Variants in DHX15 observed in about 807,000 individuals in gnomAD.
DHX15 encodes the protein DEAH-box helicase 15, also known as ATP-dependent RNA helicase DHX15.
In DHX15, 11 loss-of-function variants were observed where a neutral mutation model predicts 94.4. That is an observed-to-expected ratio of 0.12 (90% CI 0.07 to 0.19). The LOEUF is 0.19. Ranked by LOEUF, DHX15 falls within the 10% of genes least tolerant of loss-of-function variation. The pLI is 1.00. For missense variants in DHX15, 304 were observed against 988.5 expected (o/e 0.31, Z 9.29); for synonymous variants, 338 against 329.9 (o/e 1.02, Z -0.27).
chr4:24,578,939 G>C (rs76266184), intron 1 of DHX15, among the ~76,000 whole-genome samples: 102 of 152,288 alleles, frequency 6.7e-4, no homozygotes, highest in Non-Finnish European at 1.3e-3. Flanking sequence ...TTTGGGGGAA[G>C]AGAGGTGACA....
chr4:24,574,228 A>AAAAAAAAAAAAAAAAAG (rs1722191854), intron 2 of DHX15, among the ~76,000 whole-genome samples: 1 of 144,490 alleles, frequency 6.9e-6, no homozygotes, highest in Non-Finnish European at 1.5e-5. Flanking sequence ...AAAAAAAAAA[A>AAAAAAAAAAAAAAAAAG]GTTAAAGTCA....
chr4:24,541,109 A>G (rs1378437849), intron 8 of DHX15, among the ~76,000 whole-genome samples, 161 bp from the exon 9 acceptor site: 1 of 152,074 alleles, frequency 6.6e-6, no homozygotes, highest in African/African-American at 2.4e-5. Context: ...GAGAGAAACC[A>G]TTTTTCTCCA....
At chr4:24,583,947 C>G (rs1356398325) in intron 1 of DHX15, among the ~76,000 whole-genome samples, 1 of 152,256 alleles carries the variant, frequency 6.6e-6, no homozygotes, top group Admixed American at 6.5e-5. Flanking sequence ...CCACCGCGCC[C>G]TCCCCCACCC....
At chr4:24,548,641 T>C (rs1038190775) in intron 6 of DHX15, among the ~76,000 whole-genome samples, 5 of 152,330 alleles carry the variant, frequency 3.3e-5, no homozygotes, top group African/African-American at 7.2e-5. Flanking sequence ...TCCTAACTAA[T>C]CTTCCATTTG....
intron 2 of DHX15, among the ~76,000 whole-genome samples, chr4:24,575,754 A>C (rs369555537): frequency 1.3e-5 from 2 of 152,354 alleles, no homozygotes. Flanking sequence ...TGTTTAAAAA[A>C]TATCCTAGCT....
intron 4 of DHX15, among the ~76,000 whole-genome samples, chr4:24,555,616 T>TTCTA (rs1383463924): frequency 1.3e-5 from 2 of 152,128 alleles, no homozygotes; most frequent in Non-Finnish European, 2.9e-5. Flanking sequence ...CTATGAACCC[T>TTCTA]TCTATAACAC....
At position 24,537,796 on chromosome 4, in the gene DHX15, A is replaced by C. The variant is rs1721226277; in HGVS notation, c.1787-623T>G. 6.6e-6 allele frequency: 1 copy of C among 152,164 alleles called. No homozygotes were observed. The highest frequency in any genetic ancestry group is 2.1e-4 in the South Asian group (1 of 4,824). 9.4% of individuals were successfully genotyped at this position (152,164 alleles called of 1,614,324 possible). A position where few individuals can be genotyped will look rare whatever the true frequency, so the allele number is the denominator to read the frequency against. ...GATAGCAGTAGTGGTGGAAGGTTAA[A>C]CCGCCTTTGAATTAAGAAAATTCAA... On this transcript the variant is annotated intron_variant, in intron 10 of 13. Coordinates refer to ENST00000336812, the MANE Select transcript of DHX15 (RefSeq NM_001358.3). The surrounding 1 kb of genome is among the most constrained non-coding windows in gnomAD (Gnocchi z 4.7).
At chr4:24,529,538 C>T in intron 13 of DHX15, 63 bp downstream of exon 13, 1 of 1,417,586 alleles carries the variant, frequency 7.1e-7, no homozygotes, top group South Asian at 1.2e-5. Flanking sequence ...ACTCTAGCAA[C>T]AGTCAGGTTC....
At position 24,530,055 on chromosome 4, in the gene DHX15, A is replaced by G. The variant is rs918071956; in HGVS notation, c.2101-285T>C. 1.1e-5 allele frequency: 5 copies of G among 464,274 alleles called. No individual in the cohort carries two copies. The East Asian group carries it at 2.1e-4, about 20-fold the overall frequency. The allele number at this position is 464,274 out of a possible 1,614,324, so 28.8% of individuals were successfully genotyped here. A position where few individuals can be genotyped will look rare whatever the true frequency, so the allele number is the denominator to read the frequency against. On this transcript the variant is annotated intron_variant, in intron 12 of 13. Transcript: ENST00000336812. ...AAACATTCCGTGAAGCATGAGTAGCATGTAAAATTCAAACTTCAGTATCCA... is the reference window on the plus strand; with the variant it reads ...AAACATTCCGTGAAGCATGAGTAGCGTGTAAAATTCAAACTTCAGTATCCA...
chr4:24,528,502 T>C (rs1461939925), intron 13 of DHX15, among the ~76,000 whole-genome samples: 1 of 152,216 alleles, frequency 6.6e-6, no homozygotes, highest in Non-Finnish European at 1.5e-5. Flanking sequence ...TTATAAAGTT[T>C]AGCTATATAA....
chr4:24,563,937 G>A (rs1004629454), intron 3 of DHX15, among the ~76,000 whole-genome samples: 2 of 151,872 alleles, frequency 1.3e-5, no homozygotes, highest in South Asian at 2.1e-4. Context: ...CGTGGTGGTG[G>A]GCAGCTGTAG....
intron 3 of DHX15, among the ~76,000 whole-genome samples, chr4:24,567,571 C>T (rs1399729239): frequency 2.8e-4 from 42 of 148,504 alleles, no homozygotes; most frequent in African/African-American, 9.4e-4. Flanking sequence ...AGCAAGACTC[C>T]GTCTCCAAAA....
chr4:24,555,975 T>A (rs1346486919), intron 4 of DHX15, among the ~76,000 whole-genome samples: 1 of 152,028 alleles, frequency 6.6e-6, no homozygotes, highest in African/African-American at 2.4e-5. Context: ...AAGGGTACAG[T>A]GAGTAGCACA....
chr4:24,528,238 T>C (rs1721001125), intron 13 of DHX15, among the ~76,000 whole-genome samples, 197 bp from the exon 14 acceptor site: 1 of 152,212 alleles, frequency 6.6e-6, no homozygotes, highest in Non-Finnish European at 1.5e-5. Context: ...TTTAGTAAGA[T>C]GTGAATTTTC....
intron 3 of DHX15, among the ~76,000 whole-genome samples, chr4:24,556,731 A>G (rs1156511839): frequency 2.0e-5 from 3 of 152,242 alleles, no homozygotes; most frequent in Non-Finnish European, 2.9e-5. Flanking sequence ...CGTCATTTTC[A>G]ATTTCTTAAA....
At chr4:24,584,170 C>T in intron 1 of DHX15, 153 bp downstream of exon 1, 1 of 793,498 alleles carries the variant, frequency 1.3e-6, no homozygotes, top group Non-Finnish European at 1.9e-6. Context: ...GAACGGGCGC[C>T]GCGCTTCTCC....
In DHX15 at chr4:24,578,364, A is replaced by G. The variant is rs755221172; in HGVS notation, c.72-1686T>C. 1.8e-4 allele frequency among the ~76,000 whole-genome samples: 28 copies of G among 152,334 alleles called. No homozygotes were observed. The Middle Eastern group carries it at 0.01, about 56-fold the overall frequency. On this transcript the variant is annotated intron_variant, in intron 1 of 13. Coordinates refer to ENST00000336812, the MANE Select transcript of DHX15 (RefSeq NM_001358.3). Reference sequence around the variant, plus strand: ...TGCCAACGAGGTGTAGTTTATAATAAGAGTACACAGAAATGTGCCCAGCAA... The same window carrying G: ...TGCCAACGAGGTGTAGTTTATAATAGGAGTACACAGAAATGTGCCCAGCAA...
intron 2 of DHX15, among the ~76,000 whole-genome samples, chr4:24,571,570 TAC>T (rs1722124144): frequency 6.6e-6 from 1 of 152,214 alleles, no homozygotes. Context: ...TCCCCAATTT[TAC>T]AGTTTTCCAG....
At chr4:24,532,813 A>T in intron 12 of DHX15, 51 bp downstream of exon 12, 1 of 1,360,198 alleles carries the variant, frequency 7.4e-7, no homozygotes, top group Non-Finnish European at 1.0e-6. Flanking sequence ...TGTTAATAGA[A>T]ATCAGTGTCA....
Sources: gnomAD v4.1 joint callset for allele counts (sites outside exome capture counted in the v4.1 genomes callset) on GRCh38, gnomAD v4.1.1 for gene constraint, Gnocchi (gnomAD v3.1) non-coding constraint, MANE v1.5 for transcripts, NCBI Gene and HGNC (gene_info 2026-07-23, HGNC 2026-07-21) for gene names.